Variants in B3GALNT2 observed in about 807,000 individuals in gnomAD.
The protein encoded by B3GALNT2 is beta-1,3-N-acetylgalactosaminyltransferase 2, also known as UDP-GalNAc:beta-1,3-N-acetylgalactosaminyltransferase 2.
In B3GALNT2, 53 loss-of-function variants were observed where a neutral mutation model predicts 61.1. That is an observed-to-expected ratio of 0.87 (90% CI 0.70 to 1.09). The LOEUF (loss-of-function observed/expected upper bound fraction) is 1.09, where lower values mean the gene tolerates loss of function less well. Ranked by LOEUF, B3GALNT2 falls within the 50% of genes least tolerant of loss-of-function variation. The probability of loss-of-function intolerance (pLI) is 0.00; values close to 1 mark genes in which losing one functional copy is unlikely to be tolerated. For missense variants in B3GALNT2, 544 were observed against 623.0 expected, an observed-to-expected ratio of 0.87 and a Z score of 1.35; for synonymous variants, 223 against 237.4, an observed-to-expected ratio of 0.94 and a Z score of 0.56.
intron 3 of B3GALNT2, among the ~76,000 whole-genome samples, chr1:235,488,803 C>T (rs1019828819): frequency 3.3e-5 from 5 of 151,058 alleles, no homozygotes; most frequent in African/African-American, 1.2e-4. Flanking sequence ...CCTGCAATCC[C>T]AGTGCTTTGG....
intron 1 of B3GALNT2, among the ~76,000 whole-genome samples, chr1:235,496,621 C>G (rs1408687247): frequency 6.6e-6 from 1 of 150,966 alleles, no homozygotes; most frequent in Non-Finnish European, 1.5e-5. Context: ...TCTCGGCTCA[C>G]TGCAACCTCT....
intron 2 of B3GALNT2, among the ~76,000 whole-genome samples, chr1:235,491,051 G>GT (rs1685043211): frequency 1.3e-5 from 2 of 150,104 alleles, no homozygotes. Context: ...TTAATGTGAT[G>GT]TGTCTATCTA....
intron 5 of B3GALNT2, among the ~76,000 whole-genome samples, chr1:235,475,818 C>T (rs1684251376): frequency 6.6e-6 from 1 of 152,014 alleles, no homozygotes; most frequent in Admixed American, 6.6e-5. Context: ...GGTATAGCCA[C>T]TATTAAATAA....
At chr1:235,499,295 T>C (rs1051124221) in intron 1 of B3GALNT2, among the ~76,000 whole-genome samples, 6 of 152,240 alleles carry the variant, frequency 3.9e-5, no homozygotes, top group African/African-American at 1.4e-4. Flanking sequence ...TTACTATCCC[T>C]GGTAGTGACA....
At chr1:235,474,981 A>ATTT (rs1558425458) in intron 5 of B3GALNT2, among the ~76,000 whole-genome samples, 17 of 37,472 alleles carry the variant, frequency 4.5e-4, no homozygotes, top group Non-Finnish European at 5.2e-4. Flanking sequence ...ATATATATAT[A>ATTT]TATATATTTT....
At chr1:235,440,401 T>A in the B3GALNT2 span, among the ~76,000 whole-genome samples, 5 of 151,730 alleles carry the variant, frequency 3.3e-5, no homozygotes, top group African/African-American at 7.3e-5. Flanking sequence ...TATATATATA[T>A]ATTTTTTTGA....
At chr1:235,454,508 G>A (rs1683075517) in intron 9 of B3GALNT2, among the ~76,000 whole-genome samples, 193 bp from the exon 10 acceptor site, 2 of 151,844 alleles carry the variant, frequency 1.3e-5, no homozygotes, top group East Asian at 1.9e-4. Context: ...GTGCCATCTC[G>A]GCTCACTGCA....
At chr1:235,443,107 C>T (rs1466917501), downstream of B3GALNT2, 3 of 612,250 alleles carry the variant, frequency 4.9e-6, no homozygotes, top group Admixed American at 3.0e-5. Flanking sequence ...GTTCAGGTCT[C>T]CCCTAACTTT....
At chr1:235,440,332 G>A in the B3GALNT2 span, among the ~76,000 whole-genome samples, 3 of 151,906 alleles carry the variant, frequency 2.0e-5, no homozygotes, top group Non-Finnish European at 2.9e-5. Flanking sequence ...TTCAGGTGGC[G>A]CACCATGCTC....
downstream of B3GALNT2, among the ~76,000 whole-genome samples, chr1:235,446,437 A>G (rs1205569422): frequency 6.6e-6 from 1 of 152,118 alleles, no homozygotes; most frequent in Non-Finnish European, 1.5e-5. Context: ...TCGGCCTCCC[A>G]AAGTGTTGGG....
rs1684087968 is a variant in B3GALNT2, at chr1:235,473,247, TA to T, written c.652-2288del. Among the ~76,000 whole-genome samples the T allele has an allele frequency of 2.0e-5, 3 of 152,228 alleles. No homozygotes were observed. In the South Asian group the frequency reaches 6.2e-4, roughly 32 times the overall value. On this transcript the variant is annotated intron_variant, in intron 5 of 11. Coordinates refer to ENST00000366600, the MANE Select transcript of B3GALNT2 (RefSeq NM_152490.5). Reference sequence around the variant, plus strand: ...TTCTTTCCTTTTTTAAAATAAATAATATTTTTTTCCTCCTCCAAAACAGATA... The same window carrying T: ...TTCTTTCCTTTTTTAAAATAAATAATTTTTTTTCCTCCTCCAAAACAGATA...
chr1:235,475,421 T>C (rs1367195256), intron 5 of B3GALNT2, among the ~76,000 whole-genome samples: 6 of 152,150 alleles, frequency 3.9e-5, no homozygotes, highest in Admixed American at 6.6e-5. Context: ...ACCTGCTTAC[T>C]GGACAAGCTA....
intron 2 of B3GALNT2, among the ~76,000 whole-genome samples, chr1:235,493,033 T>A (rs1477214073): frequency 6.6e-6 from 1 of 152,138 alleles, no homozygotes; most frequent in Non-Finnish European, 1.5e-5. Context: ...TTTAAAAGGA[T>A]CACTCTGGCT....
intron 9 of B3GALNT2, 34 bp from the exon 10 acceptor site, chr1:235,454,349 G>A: frequency 6.4e-7 from 1 of 1,560,996 alleles, no homozygotes; most frequent in Non-Finnish European, 8.8e-7. Flanking sequence ...TCTTGTGTTA[G>A]TCTGACACAT....
chr1:235,462,629 GATAAC>G (rs1230897329), intron 7 of B3GALNT2, among the ~76,000 whole-genome samples: 5 of 152,116 alleles, frequency 3.3e-5, no homozygotes, highest in Non-Finnish European at 7.4e-5. Context: ...GCATCAAAAA[GATAAC>G]ATAAGTATTT....
In B3GALNT2 at chr1:235,448,911, A is replaced by G; in HGVS notation, c.*1295T>C. 1.5e-6 allele frequency: 1 copy of G among 677,248 alleles called. No individual in the cohort carries two copies. Among genetic ancestry groups the G allele is most frequent in the African/African-American group, 1.8e-5 (1 of 56,270 alleles). 42.0% of individuals were successfully genotyped at this position (677,248 alleles called of 1,614,324 possible). On this transcript the variant is annotated 3_prime_UTR_variant, in exon 12 of 12. Coordinates refer to ENST00000366600, the MANE Select transcript of B3GALNT2 (RefSeq NM_152490.5). ...AACAAGGGATGTATTTTTTGTTGGG[A>G]AGTGACCATTTCTAGGCTTATACAT...
At chr1:235,484,623 A>G (rs535021464) in intron 3 of B3GALNT2, 108 bp from the exon 4 acceptor site, 215 of 1,399,880 alleles carry the variant, frequency 1.5e-4, no homozygotes, top group Middle Eastern at 1.2e-3. Context: ...ATCATTTGCT[A>G]TATAATTCAC....
chr1:235,447,968 T>TG lies in B3GALNT2; in HGVS notation c.*2237dup, dbSNP rs930153594. ...GCTCATGCTTGTAATCCCAGCACTT[T>TG]GGGGGGCCAGGGCGGGCGGATCACG... On this transcript the variant is annotated 3_prime_UTR_variant, in exon 12 of 12. Coordinates refer to ENST00000366600, the MANE Select transcript of B3GALNT2 (RefSeq NM_152490.5). Among the ~76,000 whole-genome samples the TG allele has an allele frequency of 1.3e-5, 2 of 152,008 alleles. No homozygotes were observed. Among genetic ancestry groups the TG allele is most frequent in the Admixed American group, 1.3e-4 (2 of 15,258 alleles).
At chr1:235,471,784 T>TC (rs1558422485) in intron 5 of B3GALNT2, among the ~76,000 whole-genome samples, 4 of 152,174 alleles carry the variant, frequency 2.6e-5, no homozygotes, top group African/African-American at 9.7e-5. Context: ...TGCTTCAGCC[T>TC]CCCGCGTAGC....
Sources: allele counts gnomAD v4.1 joint callset (sites outside exome capture counted in the v4.1 genomes callset), GRCh38; gene constraint gnomAD v4.1.1; transcripts MANE v1.5; gene names NCBI Gene and HGNC (gene_info 2026-07-23, HGNC 2026-07-21).